Variants in KCNAB2 observed in about 807,000 individuals in gnomAD.
The protein encoded by KCNAB2 is potassium voltage-gated channel subfamily A regulatory beta subunit 2.
A neutral mutation model predicts 63.6 loss-of-function variants in KCNAB2; 29 were observed. That is an observed-to-expected ratio of 0.46 (90% CI 0.34 to 0.62). The LOEUF (loss-of-function observed/expected upper bound fraction) is 0.62, where lower values mean the gene tolerates loss of function less well. Among genes scored for constraint, KCNAB2 ranks in the 20% least tolerant of loss-of-function variants. KCNAB2 has a pLI of 0.01. For missense variants in KCNAB2, 359 were observed against 563.9 expected, an observed-to-expected ratio of 0.64 and a Z score of 3.68; for synonymous variants, 222 against 224.2, an observed-to-expected ratio of 0.99 and a Z score of 0.09.
chr1:6,085,152 G>C (rs1664587396), intron 5 of KCNAB2, 52 bp from the exon 6 acceptor site: 2 of 1,602,778 alleles, frequency 1.2e-6, no homozygotes, highest in Admixed American at 3.3e-5. Flanking sequence ...AGTGGGTCTG[G>C]GTTTGATTTT....
At chr1:6,079,533 T>A (rs945729519) in intron 4 of KCNAB2, among the ~76,000 whole-genome samples, 2 of 147,288 alleles carry the variant, frequency 1.4e-5, no homozygotes, top group Non-Finnish European at 3.0e-5. Context: ...AAAAAAAAAA[T>A]AACCCCAGTC....
intron 1 of KCNAB2, among the ~76,000 whole-genome samples, chr1:6,048,196 G>A (rs1038378735): frequency 6.6e-6 from 1 of 152,234 alleles, no homozygotes. Context: ...GTGTCTGTGT[G>A]GCTCACTCCT....
chr1:6,090,669 A>G (rs1431335964), intron 9 of KCNAB2, among the ~76,000 whole-genome samples, 194 bp downstream of exon 9: 1 of 151,632 alleles, frequency 6.6e-6, no homozygotes, highest in Admixed American at 6.6e-5. Flanking sequence ...CTGGCTGCAG[A>G]CCCCTCGCCA....
chr1:6,014,286 G>T (rs985791625), intron 1 of KCNAB2, among the ~76,000 whole-genome samples: 3 of 152,128 alleles, frequency 2.0e-5, no homozygotes, highest in Non-Finnish European at 4.4e-5. Context: ...CAGCTTCAGC[G>T]TAGGACTTGG....
intron 2 of KCNAB2, among the ~76,000 whole-genome samples, chr1:6,064,918 C>T (rs1222179347): frequency 6.6e-6 from 1 of 152,194 alleles, no homozygotes; most frequent in Non-Finnish European, 1.5e-5. Context: ...CATTCACTCA[C>T]TGATTGCAGA....
Position 6,100,002 on chromosome 1 carries a change from C to T in KCNAB2, c.*1428C>T. 1.9e-6 allele frequency: 3 copies of T among 1,540,948 alleles called. No homozygotes were observed. Among genetic ancestry groups the T allele is most frequent in the South Asian group, 1.2e-5 (1 of 82,636 alleles). On this transcript the variant is annotated 3_prime_UTR_variant, in exon 16 of 16. Coordinates refer to ENST00000378083, the MANE Select transcript of KCNAB2 (RefSeq NM_001199862.2). Reference sequence around the variant, plus strand: ...GGCAGGGCTCCACTGAAGCCACCCCCACCCCTCGCCAGCTAGCTCCATAGG... The same window carrying T: ...GGCAGGGCTCCACTGAAGCCACCCCTACCCCTCGCCAGCTAGCTCCATAGG...
At chr1:6,036,720 A>G (rs547427369) in intron 1 of KCNAB2, among the ~76,000 whole-genome samples, 1 of 149,838 alleles carries the variant, frequency 6.7e-6, no homozygotes, top group Non-Finnish European at 1.5e-5. Context: ...TTGAGCACAG[A>G]TCGTGTCGCT....
intron 8 of KCNAB2, among the ~76,000 whole-genome samples, chr1:6,089,983 T>C (rs779811453): frequency 6.6e-6 from 1 of 152,236 alleles, no homozygotes; most frequent in Admixed American, 6.5e-5. Context: ...ATTACAGGCA[T>C]GGGCCACCAC....
chr1:6,087,643 G>A lies in KCNAB2; in HGVS notation c.470+132G>A, dbSNP rs755808548. The A allele has an allele frequency of 1.2e-4, 111 of 955,110 alleles. No individual in the cohort carries two copies. The highest frequency in any genetic ancestry group is 2.3e-4 in the Middle Eastern group (1 of 4,310). The allele number at this position is 955,110 out of a possible 1,614,324, so 59.2% of individuals were successfully genotyped here. On this transcript the variant is annotated intron_variant, in intron 7 of 15. Transcript: ENST00000378083. The surrounding 1 kb of genome is among the most constrained non-coding windows in gnomAD (Gnocchi z 6.4). ...TCCTCCTTGAGAAGGGAGAGTGGTC[G>A]GGGTCTGTCCTGGACAGGCCCCGGC...
At chr1:6,016,428 G>C (rs532258448) in intron 1 of KCNAB2, among the ~76,000 whole-genome samples, 6 of 152,348 alleles carry the variant, frequency 3.9e-5, no homozygotes, top group Admixed American at 6.5e-5. Context: ...GTGAGAACAT[G>C]TCAATGTGTC....
At chr1:6,050,338 G>A (rs1006085054) in intron 1 of KCNAB2, among the ~76,000 whole-genome samples, 1 of 152,178 alleles carries the variant, frequency 6.6e-6, no homozygotes, top group African/African-American at 2.4e-5. Context: ...GGCCACCTGG[G>A]CCATGGCCGA....
chr1:6,039,934 C>T (rs974530268), intron 1 of KCNAB2, among the ~76,000 whole-genome samples: 3 of 152,206 alleles, frequency 2.0e-5, no homozygotes, highest in African/African-American at 4.8e-5. Context: ...TGGTTAGAAG[C>T]GACTTGCTAG....
intron 1 of KCNAB2, among the ~76,000 whole-genome samples, chr1:6,019,635 C>T (rs1367296142): frequency 6.6e-6 from 1 of 152,222 alleles, no homozygotes; most frequent in Non-Finnish European, 1.5e-5. Context: ...CCAGCCTCGA[C>T]CTGAGCGTCT....
rs79108094 is a variant in KCNAB2 at position 6,096,937 on chromosome 1, C to T, written c.1069+181C>T. Among the ~76,000 whole-genome samples, 1 of 152,190 alleles carries T rather than the reference C, an allele frequency of 6.6e-6. No homozygotes were observed. The highest frequency in any genetic ancestry group is 1.5e-5 in the Non-Finnish European group (1 of 68,018). ...GCTCTAAGGGGCATGGTTGGGACCCCATGCCTCTAGGGGGATGTCAGGAGT... is the reference window on the plus strand; with the variant it reads ...GCTCTAAGGGGCATGGTTGGGACCCTATGCCTCTAGGGGGATGTCAGGAGT... On this transcript the variant is annotated intron_variant, in intron 14 of 15. Transcript: ENST00000378083. This position sits in a 1 kb window ranked among gnomAD's most constrained non-coding sequence, Gnocchi z 5.9.
Position 6,099,733 on chromosome 1 carries a change from A to T in KCNAB2, c.*1159A>T. 5 of 1,447,688 alleles carry T rather than the reference A, an allele frequency of 3.5e-6. No individual in the cohort carries two copies. Among genetic ancestry groups the T allele is most frequent in the Non-Finnish European group, 4.6e-6 (5 of 1,098,686 alleles). 89.7% of individuals were successfully genotyped at this position (1,447,688 alleles called of 1,614,324 possible). A position where few individuals can be genotyped will look rare whatever the true frequency, so the allele number is the denominator to read the frequency against. ...GCTGCACCCCCACAGCACCCCCACA[A>T]TGTAGGAAAAGACCTCAGGGAACCT... On this transcript the variant is annotated 3_prime_UTR_variant, in exon 16 of 16. Coordinates refer to ENST00000378083, the MANE Select transcript of KCNAB2 (RefSeq NM_001199862.2).
chr1:6,044,780 CG>C (rs1346097030), upstream of KCNAB2, among the ~76,000 whole-genome samples: 1 of 152,188 alleles, frequency 6.6e-6, no homozygotes, highest in East Asian at 1.9e-4. Context: ...AGGTGCAGGA[CG>C]GCTGAGCTCC....
At chr1:6,053,739 G>T (rs1313426521) in intron 2 of KCNAB2, among the ~76,000 whole-genome samples, 1 of 152,186 alleles carries the variant, frequency 6.6e-6, no homozygotes, top group Admixed American at 6.5e-5. Context: ...GGATAGTTTA[G>T]TGGGTTAAAT....
chr1:6,058,707 C>T (rs929636804), intron 2 of KCNAB2, among the ~76,000 whole-genome samples: 3 of 152,244 alleles, frequency 2.0e-5, no homozygotes, highest in South Asian at 2.1e-4. Context: ...TAGTTCAGTG[C>T]CGCGCAGACA....
At chr1:6,004,948 G>A (rs1657478100) in intron 1 of KCNAB2, among the ~76,000 whole-genome samples, 1 of 138,136 alleles carries the variant, frequency 7.2e-6, no homozygotes, top group African/African-American at 2.5e-5. Context: ...GGGTGGAGTG[G>A]GGGGATGTGG....
Sources: gnomAD v4.1 joint callset for allele counts (sites outside exome capture counted in the v4.1 genomes callset) on GRCh38, gnomAD v4.1.1 for gene constraint, Gnocchi (gnomAD v3.1) non-coding constraint, MANE v1.5 for transcripts, NCBI Gene and HGNC (gene_info 2026-07-23, HGNC 2026-07-21) for gene names.